The following RANBP2 variants were observed in gnomAD, a reference collection of about 807,000 sequenced individuals.
The protein encoded by RANBP2 is RAN binding protein 2.
RANBP2 carries 57 observed loss-of-function variants against 303.6 expected under a neutral mutation model. The ratio of observed to expected loss-of-function variants is 0.19; its 90% CI spans 0.15 to 0.23. The LOEUF (loss-of-function observed/expected upper bound fraction) is 0.23, where lower values mean the gene tolerates loss of function less well. RANBP2 is among the 10% of genes least tolerant of loss of function. RANBP2 has a pLI of 1.00. For synonymous variants in RANBP2, 1,167 were observed against 1,301.5 expected (o/e 0.90, Z 2.23); for missense variants, 3,138 against 3,780.8 (o/e 0.83, Z 4.46).
chr2:109,043,287 A>G, the RANBP2 span, among the ~76,000 whole-genome samples: 71 of 152,226 alleles, frequency 4.7e-4, no homozygotes, highest in African/African-American at 1.7e-3. Context: ...TCTGACTTAC[A>G]GTAAAATCCC....
intron 23 of RANBP2, among the ~76,000 whole-genome samples, chr2:108,774,046 T>C (rs1224152115): frequency 4.6e-5 from 7 of 152,224 alleles, no homozygotes; most frequent in Non-Finnish European, 2.9e-5. Context: ...TGACACATCA[T>C]CACCTAATGT....
chr2:109,582,869 A>G, the RANBP2 span, among the ~76,000 whole-genome samples: 1 of 152,190 alleles, frequency 6.6e-6, no homozygotes, highest in South Asian at 2.1e-4. Context: ...CTAGAAATAA[A>G]GCCGCACACC....
the RANBP2 span, among the ~76,000 whole-genome samples, chr2:109,771,459 T>C: frequency 1.9e-5 from 2 of 105,074 alleles, no homozygotes. Flanking sequence ...CGCAGAAGCA[T>C]GTCTACGTGC....
chr2:109,487,396 G>C, the RANBP2 span, among the ~76,000 whole-genome samples: 1 of 152,170 alleles, frequency 6.6e-6, no homozygotes, highest in Non-Finnish European at 1.5e-5. Flanking sequence ...TGAGCATGAC[G>C]ATTGTTAGTA....
chr2:108,888,697 T>C, the RANBP2 span, among the ~76,000 whole-genome samples: 1 of 152,088 alleles, frequency 6.6e-6, no homozygotes. Context: ...GGGTCTTCTT[T>C]CCTTGATTAA....
At chr2:109,010,350 C>T in the RANBP2 span, among the ~76,000 whole-genome samples, 1 of 148,398 alleles carries the variant, frequency 6.7e-6, no homozygotes. Context: ...CACCCACACA[C>T]TCTTCCCATC....
At chr2:108,997,216 C>A in the RANBP2 span, among the ~76,000 whole-genome samples, 4 of 151,668 alleles carry the variant, frequency 2.6e-5, no homozygotes, top group Admixed American at 6.6e-5. Context: ...CTGAGGTGGG[C>A]AAATCACGAG....
At chr2:109,161,803 A>G in the RANBP2 span, among the ~76,000 whole-genome samples, 1 of 151,876 alleles carries the variant, frequency 6.6e-6, no homozygotes, top group Non-Finnish European at 1.5e-5. Context: ...GAGGGCATTA[A>G]TCTATTCATA....
chr2:109,065,924 A>G, the RANBP2 span, among the ~76,000 whole-genome samples: 1 of 152,114 alleles, frequency 6.6e-6, no homozygotes, highest in South Asian at 2.1e-4. Context: ...TCTAGTCTTC[A>G]GCTTCTGTTG....
chr2:109,162,116 A>T, the RANBP2 span, among the ~76,000 whole-genome samples: 2 of 152,190 alleles, frequency 1.3e-5, no homozygotes, highest in Non-Finnish European at 2.9e-5. Context: ...CTGAGGATGG[A>T]CACCTGCTTG....
At chr2:109,125,304 G>C in the RANBP2 span, among the ~76,000 whole-genome samples, 1 of 151,226 alleles carries the variant, frequency 6.6e-6, no homozygotes, top group Non-Finnish European at 1.5e-5. Context: ...CAGAGTTGGT[G>C]GGGGGGTTAG....
chr2:109,560,280 A>G, the RANBP2 span, among the ~76,000 whole-genome samples: 5 of 152,246 alleles, frequency 3.3e-5, no homozygotes, highest in African/African-American at 1.2e-4. Flanking sequence ...AAGAATTGTC[A>G]AGGAAGCACC....
chr2:109,653,612 T>G, the RANBP2 span, among the ~76,000 whole-genome samples: 5 of 152,142 alleles, frequency 3.3e-5, no homozygotes, highest in Admixed American at 6.6e-5. Context: ...CCAAAGCATT[T>G]CTCAAAGCCT....
At chr2:109,351,592 C>T in the RANBP2 span, among the ~76,000 whole-genome samples, 15 of 152,262 alleles carry the variant, frequency 9.9e-5, no homozygotes, top group African/African-American at 3.4e-4. Context: ...ATTTGCTATG[C>T]AGGGCCCACG....
chr2:109,324,330 G>T, the RANBP2 span, among the ~76,000 whole-genome samples: 2 of 152,072 alleles, frequency 1.3e-5, no homozygotes, highest in African/African-American at 2.4e-5. Flanking sequence ...GTACTGGGTC[G>T]CATGGTAACT....
the RANBP2 span, among the ~76,000 whole-genome samples, chr2:108,878,111 A>C: frequency 6.6e-6 from 1 of 152,246 alleles, no homozygotes; most frequent in South Asian, 2.1e-4. Context: ...TAAGAGATGA[A>C]AGAAAACAGT....
rs1398387569 is a variant in RANBP2, at chr2:108,735,604, G to A, written c.478G>A (p.Val160Ile). The change falls in exon 5 of 29, where the codon GTA (valine) becomes ATA (isoleucine). Residue 160 changes from valine to isoleucine, a missense_variant. Coordinates refer to ENST00000283195, the MANE Select transcript of RANBP2 (RefSeq NM_006267.5). ...TGACTTGATTCAGTCAGAACTTTAT[G>A]TAAGACCTGATGACGTCCATGTGAA... ...LFDLIQSELY[V>I]RPDDVHVNIR... 1.9e-6 allele frequency: 3 copies of A among 1,597,614 alleles called. No homozygotes were observed. The South Asian group carries it at 3.3e-5, about 18-fold the overall frequency.
chr2:109,158,115 C>T, the RANBP2 span, among the ~76,000 whole-genome samples: 5 of 152,026 alleles, frequency 3.3e-5, no homozygotes, highest in Non-Finnish European at 1.5e-5. Context: ...CAAGAGGGTC[C>T]CATAGCTAGT....
the RANBP2 span, among the ~76,000 whole-genome samples, chr2:109,423,781 A>G: frequency 6.6e-6 from 1 of 152,166 alleles, no homozygotes; most frequent in Admixed American, 6.5e-5. Context: ...AGGATATTAC[A>G]GACAGATGCG....
Sources: allele counts gnomAD v4.1 joint callset (sites outside exome capture counted in the v4.1 genomes callset), GRCh38; gene constraint gnomAD v4.1.1; transcripts MANE v1.5; gene names NCBI Gene and HGNC (gene_info 2026-07-23, HGNC 2026-07-21).